PCDH7: variants seen among roughly 807,000 people sequenced by gnomAD.
The protein encoded by PCDH7 is protocadherin-7.
A neutral mutation model predicts 58.9 loss-of-function variants in PCDH7; 17 were observed. That is an observed-to-expected ratio of 0.29 (90% CI 0.20 to 0.43). The LOEUF (loss-of-function observed/expected upper bound fraction) is 0.43. Ranked by LOEUF, PCDH7 falls within the 20% of genes least tolerant of loss-of-function variation. The probability of loss-of-function intolerance (pLI) is 1.00; values close to 1 mark genes in which losing one functional copy is unlikely to be tolerated. For synonymous variants in PCDH7, 664 were observed against 616.4 expected (o/e 1.08, Z -1.14); for missense variants, 1,274 against 1,441.0 (o/e 0.88, Z 1.88).
Position 30,725,434 on chromosome 4 carries a change from G to A in PCDH7, c.3174+838G>A. 7.7e-6 allele frequency: 2 copies of A among 260,972 alleles called. 1 individual carries two copies. Among genetic ancestry groups the A allele is most frequent in the Non-Finnish European group, 1.2e-5 (2 of 167,474 alleles). The allele number at this position is 260,972 out of a possible 1,614,324, so 16.2% of individuals were successfully genotyped here. ...ATATTGAGAATGTAAAGATTATGTG[G>A]AATATTTGACATAATAGTTTCTCAG... is the stretch of plus-strand genomic sequence containing the variant. On this transcript the variant is annotated intron_variant, in intron 1 of 1. Transcript: ENST00000361762.
intron 3 of PCDH7, among the ~76,000 whole-genome samples, chr4:31,084,656 AAGAGAG>A (rs71651575): frequency 2.7e-5 from 3 of 112,470 alleles, no homozygotes; most frequent in African/African-American, 1.1e-4. Context: ...AGGAGCAAGA[AAGAGAG>A]AGAGAGAGAG....
At position 30,812,562 on chromosome 4, in the gene PCDH7, A is replaced by T. The variant is rs535407249; in HGVS notation, c.70+87966A>T. ...GTGAATAGTAATACAATTCATATTG[A>T]TGAATTCTGTTAAGCTATTTTCAAA... On this transcript the variant is annotated intron_variant, in intron 1 of 3. Transcript: ENST00000509759. Among the ~76,000 whole-genome samples, 17 of 152,284 alleles carry T rather than the reference A, an allele frequency of 1.1e-4. No homozygotes were observed. In the South Asian group the frequency reaches 3.5e-3, roughly 32 times the overall value.
intron 3 of PCDH7, among the ~76,000 whole-genome samples, chr4:31,015,320 TGACAG>T (rs1753519956): frequency 6.6e-6 from 1 of 152,138 alleles, no homozygotes; most frequent in African/African-American, 2.4e-5. Context: ...GCCAAGTCCA[TGACAG>T]TTGTAGAATA....
intron 1 of PCDH7, among the ~76,000 whole-genome samples, chr4:30,892,345 G>A (rs975723258): frequency 6.6e-6 from 1 of 152,016 alleles, no homozygotes; most frequent in Non-Finnish European, 1.5e-5. Flanking sequence ...TCTTTTGTTA[G>A]TAAAGTAGAC....
Position 30,721,854 on chromosome 4 carries a change from G to A in PCDH7, c.432G>A (p.Pro144=). 1 of 1,606,408 alleles carries A rather than the reference G, an allele frequency of 6.2e-7. No individual in the cohort carries two copies. The highest frequency in any genetic ancestry group is 8.5e-7 in the Non-Finnish European group (1 of 1,176,896). The stretch of plus-strand genomic sequence containing the variant: ...TCAACGACAACACGCCCACCTTCCC[G>A]TCGCCCGTGCTCACGCTCACGGTGG... The change falls in exon 1 of 2, where the codon CCG becomes CCA. Residue 144 remains proline, a synonymous_variant. Coordinates refer to ENST00000361762, the Ensembl canonical transcript of PCDH7. The surrounding 1 kb of genome is among the most constrained non-coding windows in gnomAD (Gnocchi z 6.7).
chr4:30,813,362 CT>C (rs1156996480), intron 1 of PCDH7, among the ~76,000 whole-genome samples: 1 of 152,100 alleles, frequency 6.6e-6, no homozygotes, highest in Non-Finnish European at 1.5e-5. Context: ...TTTTGCAAGA[CT>C]TTTATCAATC....
exon 1 of PCDH7, chr4:30,724,453 T>C (rs1369695414): frequency 6.2e-7 from 1 of 1,613,948 alleles, no homozygotes; most frequent in Admixed American, 1.7e-5. Context: ...TCATCCCCAG[T>C]CACCAACTGC....
chr4:31,096,022 G>C (rs1412726778), intron 3 of PCDH7, among the ~76,000 whole-genome samples: 1 of 152,114 alleles, frequency 6.6e-6, no homozygotes, highest in Non-Finnish European at 1.5e-5. Context: ...TAGGCAAATA[G>C]CTGCTGTATT....
chr4:30,780,268 G>C (rs1448864049), intron 1 of PCDH7, among the ~76,000 whole-genome samples: 1 of 152,106 alleles, frequency 6.6e-6, no homozygotes, highest in Non-Finnish European at 1.5e-5. Flanking sequence ...CACTTTGGGA[G>C]GTCGAGGCAG....
chr4:31,101,336 G>T (rs976265849), intron 3 of PCDH7, among the ~76,000 whole-genome samples: 13 of 151,986 alleles, frequency 8.6e-5, no homozygotes, highest in Non-Finnish European at 1.6e-4. Context: ...TATCTAAAGT[G>T]GTATTTTTAT....
intron 3 of PCDH7, among the ~76,000 whole-genome samples, chr4:31,066,784 A>T (rs1758130369): frequency 6.6e-6 from 1 of 151,994 alleles, no homozygotes; most frequent in Non-Finnish European, 1.5e-5. Flanking sequence ...TATTTCATAA[A>T]GGTTCAATTA....
chr4:31,125,455 C>T (rs578167195), intron 3 of PCDH7, among the ~76,000 whole-genome samples: 5 of 152,190 alleles, frequency 3.3e-5, no homozygotes, highest in Non-Finnish European at 7.3e-5. Context: ...TCAGCTTAGA[C>T]AAAGAAGATT....
Position 30,965,448 on chromosome 4 carries a change from A to G in PCDH7, c.*7+15233A>G, listed in dbSNP as rs1748912505. On this transcript the variant is annotated intron_variant, in intron 3 of 3. Transcript: ENST00000509759. ...AAAGTACAATGAATCACTGTTATCA[A>G]AACAATTTTATGTTAAATTTGTTTG... Among the ~76,000 whole-genome samples, 3 of 152,040 alleles carry G rather than the reference A, an allele frequency of 2.0e-5. No homozygotes were observed. The South Asian group carries it at 6.2e-4, about 31-fold the overall frequency.
At chr4:31,126,251 G>T (rs1718288650) in intron 3 of PCDH7, among the ~76,000 whole-genome samples, 1 of 151,636 alleles carries the variant, frequency 6.6e-6, no homozygotes, top group African/African-American at 2.4e-5. Flanking sequence ...TGCTGCCTGG[G>T]TTCAAGAGAT....
At chr4:31,128,911 G>C (rs948493242) in intron 3 of PCDH7, among the ~76,000 whole-genome samples, 1 of 152,186 alleles carries the variant, frequency 6.6e-6, no homozygotes, top group African/African-American at 2.4e-5. Flanking sequence ...AGTTCATTCA[G>C]ATCAGCAAAT....
At chr4:30,946,347 T>G (rs1310903285) in intron 2 of PCDH7, among the ~76,000 whole-genome samples, 1 of 152,126 alleles carries the variant, frequency 6.6e-6, no homozygotes, top group Non-Finnish European at 1.5e-5. Flanking sequence ...TATTGCATAT[T>G]AATGTTTAAT....
chr4:31,142,663 C>T (rs1449183028), exon 4 of PCDH7: 5 of 1,367,638 alleles, frequency 3.7e-6, no homozygotes, highest in Non-Finnish European at 4.9e-6. Flanking sequence ...ATGGGGAGGC[C>T]GCCATCATGG....
At chr4:31,084,958 C>T (rs1414943601) in intron 3 of PCDH7, among the ~76,000 whole-genome samples, 2 of 152,150 alleles carry the variant, frequency 1.3e-5, no homozygotes, top group African/African-American at 4.8e-5. Context: ...TCTGTAGCCG[C>T]CCAAGGGGTT....
chr4:30,863,042 G>A (rs1284771773), intron 1 of PCDH7, among the ~76,000 whole-genome samples: 1 of 152,108 alleles, frequency 6.6e-6, no homozygotes, highest in Non-Finnish European at 1.5e-5. Context: ...TGTCTGGACA[G>A]CTTTGGCATT....
Sources: gnomAD v4.1 joint callset for allele counts (sites outside exome capture counted in the v4.1 genomes callset) on GRCh38, gnomAD v4.1.1 for gene constraint, Gnocchi (gnomAD v3.1) non-coding constraint, MANE v1.5 for transcripts, NCBI Gene and HGNC (gene_info 2026-07-23, HGNC 2026-07-21) for gene names.